BLNK: variants seen among roughly 807,000 people sequenced by gnomAD.
BLNK encodes B cell linker, also known as B-cell linker protein.
A neutral mutation model predicts 73.5 loss-of-function variants in BLNK; 29 were observed. That is an observed-to-expected ratio of 0.39 (90% confidence interval 0.29 to 0.54). The LOEUF (loss-of-function observed/expected upper bound fraction) is 0.54, where lower values mean the gene tolerates loss of function less well. Among genes scored for constraint, BLNK ranks in the 20% least tolerant of loss-of-function variants. The pLI, the probability that BLNK is intolerant of heterozygous loss-of-function variation, is 0.61. For synonymous variants in BLNK, 176 were observed against 200.8 expected, an observed-to-expected ratio of 0.88 and a Z score of 1.04; for missense variants, 460 against 562.8, an observed-to-expected ratio of 0.82 and a Z score of 1.85.
intron 7 of BLNK, chr10:96,216,315 G>C: frequency 3.1e-6 from 1 of 321,816 alleles, no homozygotes; most frequent in African/African-American, 2.1e-5. Context: ...ATGTTTACAA[G>C]GCCAACATGG....
At chr10:96,216,931 A>G (rs1554900029) in intron 6 of BLNK, among the ~76,000 whole-genome samples, 197 bp from the exon 7 acceptor site, 1 of 152,188 alleles carries the variant, frequency 6.6e-6, no homozygotes, top group African/African-American at 2.4e-5. Context: ...TAATTTTAGG[A>G]CATTTTTATG....
intron 13 of BLNK, among the ~76,000 whole-genome samples, chr10:96,202,321 T>TG (rs782798126): frequency 1.3e-5 from 2 of 151,658 alleles, no homozygotes; most frequent in East Asian, 1.9e-4. Context: ...AACAGCAGAG[T>TG]GGGGGAGGCC....
At chr10:96,242,206 T>A (rs913778009) in intron 3 of BLNK, among the ~76,000 whole-genome samples, 3 of 152,178 alleles carry the variant, frequency 2.0e-5, no homozygotes, top group Non-Finnish European at 4.4e-5. Flanking sequence ...ATCTGATGAT[T>A]TTATCCAGGG....
At chr10:96,234,056 G>T (rs1262223542) in intron 3 of BLNK, among the ~76,000 whole-genome samples, 2 of 152,216 alleles carry the variant, frequency 1.3e-5, no homozygotes, top group Non-Finnish European at 1.5e-5. Flanking sequence ...TTTGAAAGAG[G>T]TTGTAAAACC....
At chr10:96,221,881 A>G (rs1554901220) in intron 6 of BLNK, among the ~76,000 whole-genome samples, 1 of 152,188 alleles carries the variant, frequency 6.6e-6, no homozygotes, top group Non-Finnish European at 1.5e-5. Flanking sequence ...GAGGGTGTGT[A>G]CATGCACTGT....
chr10:96,234,909 G>A (rs1432151085), intron 3 of BLNK, among the ~76,000 whole-genome samples: 1 of 152,242 alleles, frequency 6.6e-6, no homozygotes, highest in East Asian at 1.9e-4. Flanking sequence ...CTGCCAGGAA[G>A]CTGAGATCCT....
chr10:96,189,793 A>T lies in BLNK; in HGVS notation c.*2180T>A. Reference sequence around the variant, plus strand: ...GAATCTTGCTACCACCTCCAGGGACAGATCACTTTCCAGATATCCTTAAGA... The same window carrying T: ...GAATCTTGCTACCACCTCCAGGGACTGATCACTTTCCAGATATCCTTAAGA... On this transcript the variant is annotated 3_prime_UTR_variant, in exon 17 of 17. Transcript: ENST00000224337. 1.1e-6 allele frequency: 1 copy of T among 942,184 alleles called. No individual in the cohort carries two copies. The highest frequency in any genetic ancestry group is 1.3e-5 in the South Asian group (1 of 77,788). The allele number at this position is 942,184 out of a possible 1,614,324, so 58.4% of individuals were successfully genotyped here. A position where few individuals can be genotyped will look rare whatever the true frequency, so the allele number is the denominator to read the frequency against.
At chr10:96,233,826 A>G (rs1248983526) in intron 3 of BLNK, among the ~76,000 whole-genome samples, 1 of 152,194 alleles carries the variant, frequency 6.6e-6, no homozygotes, top group Non-Finnish European at 1.5e-5. Context: ...TTATCTTTGC[A>G]TCTGGACAGA....
chr10:96,243,135 A>C (rs1842931737), intron 2 of BLNK, among the ~76,000 whole-genome samples: 1 of 152,200 alleles, frequency 6.6e-6, no homozygotes, highest in African/African-American at 2.4e-5. Context: ...TGTTGATAAG[A>C]AGGTAAGATA....
In BLNK at chr10:96,200,054, A is replaced by T; in HGVS notation, c.1095+21T>A. 4 of 1,411,898 alleles carry T rather than the reference A, an allele frequency of 2.8e-6. No homozygotes were observed. The highest frequency in any genetic ancestry group is 3.7e-6 in the Non-Finnish European group (4 of 1,068,744). The allele number at this position is 1,411,898 out of a possible 1,614,324, so 87.5% of individuals were successfully genotyped here. A position where few individuals can be genotyped will look rare whatever the true frequency, so the allele number is the denominator to read the frequency against. ...TAAAATAAAATAAAATAAAAATAAT[A>T]AATAATAAAAATGATCAGACCTTGT... On this transcript the variant is annotated intron_variant, in intron 15 of 16. Coordinates refer to ENST00000224337, the MANE Select transcript of BLNK (RefSeq NM_013314.4). This position sits in a 1 kb window ranked among gnomAD's most constrained non-coding sequence, Gnocchi z 4.3.
intron 5 of BLNK, among the ~76,000 whole-genome samples, chr10:96,224,282 G>A (rs1469724345): frequency 2.0e-5 from 3 of 152,220 alleles, no homozygotes; most frequent in African/African-American, 7.2e-5. Flanking sequence ...CCACACAGAG[G>A]GGATGGAAGC....
At chr10:96,208,923 G>A (rs1367820398) in intron 9 of BLNK, among the ~76,000 whole-genome samples, 14 of 152,192 alleles carry the variant, frequency 9.2e-5, no homozygotes, top group African/African-American at 3.4e-4. Flanking sequence ...CCTTCAACAT[G>A]GAGGCTTTCT....
At chr10:96,197,847 C>T (rs765636958) in intron 15 of BLNK, among the ~76,000 whole-genome samples, 14 of 149,720 alleles carry the variant, frequency 9.4e-5, no homozygotes, top group African/African-American at 2.7e-4. Flanking sequence ...ACCCAGGAGA[C>T]GGAGTTTGCA....
In BLNK at chr10:96,200,995, G is replaced by A; in HGVS notation, c.998C>T (p.Thr333Ile). The change falls in exon 14 of 17, where the codon ACT becomes ATT. Residue 333 changes from threonine (T) to isoleucine (I), a missense_variant. Around this residue, in one of 3 missense-constraint regions of BLNK, gnomAD observed 233 missense variants for 232.1 expected, o/e 1.00. Coordinates refer to ENST00000224337, the MANE Select transcript of BLNK (RefSeq NM_013314.4). This position sits in a 1 kb window ranked among gnomAD's most constrained non-coding sequence, Gnocchi z 4.3. ...GPLPSFSSNS[T>I]ISEQEAGVLC... Reference sequence around the variant, plus strand: ...TTCATTTCATACCTGTTCTGAAATAGTGGAATTAGATGAAAAGCTGGGTAG... The same window carrying A: ...TTCATTTCATACCTGTTCTGAAATAATGGAATTAGATGAAAAGCTGGGTAG... 6.2e-7 allele frequency: 1 copy of A among 1,614,014 alleles called. No homozygotes were observed. Among genetic ancestry groups the A allele is most frequent in the Non-Finnish European group, 8.5e-7 (1 of 1,179,878 alleles).
chr10:96,212,088 C>G (rs2083961370), intron 8 of BLNK, among the ~76,000 whole-genome samples: 4 of 152,136 alleles, frequency 2.6e-5, no homozygotes, highest in Admixed American at 2.6e-4. Flanking sequence ...AATAGTCTGC[C>G]AAAACCTTCC....
Position 96,191,350 on chromosome 10 carries a change from T to C in BLNK, c.*623A>G, listed in dbSNP as rs2083326871. ...AAGTTTAGGTTCTATTTGATAGACA[T>C]GTAGATCAAAGAGGGTATAATTATC... is the stretch of plus-strand genomic sequence containing the variant. On this transcript the variant is annotated 3_prime_UTR_variant, in exon 17 of 17. Coordinates refer to ENST00000224337, the MANE Select transcript of BLNK (RefSeq NM_013314.4). Among the ~76,000 whole-genome samples the C allele has an allele frequency of 6.6e-6, 1 of 151,488 alleles. No homozygotes were observed. Among genetic ancestry groups the C allele is most frequent in the African/African-American group, 2.4e-5 (1 of 41,208 alleles).
intron 1 of BLNK, among the ~76,000 whole-genome samples, chr10:96,268,049 T>C (rs143523754): frequency 6.6e-6 from 1 of 152,244 alleles, no homozygotes; most frequent in African/African-American, 2.4e-5. Flanking sequence ...AAATCTTGAT[T>C]TTTCTAATGG....
chr10:96,252,440 T>C (rs1843324670), intron 1 of BLNK, among the ~76,000 whole-genome samples: 1 of 152,218 alleles, frequency 6.6e-6, no homozygotes. Context: ...CATGCCTTTT[T>C]CTATTGTGGG....
chr10:96,230,884 C>A (rs1842476269), intron 3 of BLNK, 50 bp from the exon 4 acceptor site: 7 of 1,586,314 alleles, frequency 4.4e-6, no homozygotes, highest in Non-Finnish European at 4.3e-6. Flanking sequence ...CCTCAGCTGG[C>A]CAGCCCCAGC....
Sources: gnomAD v4.1 joint callset for allele counts (sites outside exome capture counted in the v4.1 genomes callset) on GRCh38, gnomAD v4.1.1 for gene constraint, gnomAD v4.1.1 regional missense constraint, Gnocchi (gnomAD v3.1) non-coding constraint, MANE v1.5 for transcripts, NCBI Gene and HGNC (gene_info 2026-07-23, HGNC 2026-07-21) for gene names.